The following ZSWIM6 variants were observed in gnomAD, a reference collection of about 807,000 sequenced individuals.
ZSWIM6 encodes zinc finger SWIM domain-containing protein 6.
Under a neutral mutation model 113.2 loss-of-function variants are expected in ZSWIM6, and 9 were observed. The ratio of observed to expected loss-of-function variants is 0.08; its 90% CI spans 0.05 to 0.14. The LOEUF (loss-of-function observed/expected upper bound fraction) is 0.14, where lower values mean the gene tolerates loss of function less well. ZSWIM6 is among the 10% of genes least tolerant of loss of function. ZSWIM6 has a pLI of 1.00. For synonymous variants in ZSWIM6, 611 were observed against 606.5 expected (o/e 1.01, Z -0.11); for missense variants, 1,162 against 1,552.2 (o/e 0.75, Z 4.22).
At chr5:61,461,991 C>T (rs933028487) in intron 1 of ZSWIM6, among the ~76,000 whole-genome samples, 6 of 152,090 alleles carry the variant, frequency 3.9e-5, no homozygotes, top group African/African-American at 7.2e-5. Context: ...GTTCTTAAAG[C>T]GTACAAATTG....
intron 1 of ZSWIM6, among the ~76,000 whole-genome samples, chr5:61,334,854 A>C (rs1049205275): frequency 2.0e-5 from 3 of 148,976 alleles, no homozygotes; most frequent in African/African-American, 7.4e-5. Context: ...AACAAACTAG[A>C]GTCTGCGAAT....
At chr5:61,528,134 T>C (rs1749334740) in intron 7 of ZSWIM6, among the ~76,000 whole-genome samples, 1 of 152,172 alleles carries the variant, frequency 6.6e-6, no homozygotes, top group South Asian at 2.1e-4. Context: ...ATTTTAAAAA[T>C]AGGCTTTTCC....
intron 1 of ZSWIM6, among the ~76,000 whole-genome samples, chr5:61,356,379 G>T (rs1299802749): frequency 1.3e-5 from 2 of 151,996 alleles, no homozygotes; most frequent in Non-Finnish European, 2.9e-5. Flanking sequence ...GACTTCATTG[G>T]CTGAGTTATT....
chr5:61,451,613 C>T (rs973743348), intron 1 of ZSWIM6, among the ~76,000 whole-genome samples: 1 of 152,110 alleles, frequency 6.6e-6, no homozygotes, highest in African/African-American at 2.4e-5. Flanking sequence ...TACTTTACCC[C>T]AGAATGGCAA....
At chr5:61,396,756 A>G in intron 1 of ZSWIM6, among the ~76,000 whole-genome samples, 1 of 152,192 alleles carries the variant, frequency 6.6e-6, no homozygotes, top group Non-Finnish European at 1.5e-5. Flanking sequence ...ACATTTTAAA[A>G]TTAAGTTTTT....
At chr5:61,333,847 G>C (rs1256086040) in intron 1 of ZSWIM6, among the ~76,000 whole-genome samples, 1 of 151,914 alleles carries the variant, frequency 6.6e-6, no homozygotes, top group Non-Finnish European at 1.5e-5. Flanking sequence ...TGGTCAGGTC[G>C]TGGTGCCCCG....
intron 1 of ZSWIM6, among the ~76,000 whole-genome samples, chr5:61,470,211 A>G (rs1188597526): frequency 3.9e-5 from 6 of 152,230 alleles, no homozygotes; most frequent in Admixed American, 1.3e-4. Context: ...TGGTTGGTGA[A>G]GAGAGATGTG....
At chr5:61,428,552 T>TC (rs966318589) in intron 1 of ZSWIM6, among the ~76,000 whole-genome samples, 28 of 151,850 alleles carry the variant, frequency 1.8e-4, no homozygotes, top group African/African-American at 6.5e-4. Flanking sequence ...TTTTTTTTTT[T>TC]TATAGACAGG....
chr5:61,494,202 G>T, intron 3 of ZSWIM6, 58 bp from the exon 4 acceptor site: 2 of 1,520,030 alleles, frequency 1.3e-6, no homozygotes, highest in East Asian at 2.5e-5. Flanking sequence ...TGTTGCTGTG[G>T]GGTTTTGTTG....
At chr5:61,489,284 C>G (rs1159731898) in intron 2 of ZSWIM6, among the ~76,000 whole-genome samples, 1 of 152,000 alleles carries the variant, frequency 6.6e-6, no homozygotes, top group Non-Finnish European at 1.5e-5. Context: ...CCCTAGCAAT[C>G]CAAGGCCCAG....
intron 1 of ZSWIM6, among the ~76,000 whole-genome samples, chr5:61,424,810 C>T (rs902339032): frequency 6.6e-6 from 1 of 151,084 alleles, no homozygotes; most frequent in Non-Finnish European, 1.5e-5. Context: ...TCACTGTAAC[C>T]TATGCCTGCT....
At chr5:61,482,029 G>A (rs559954387) in intron 2 of ZSWIM6, among the ~76,000 whole-genome samples, 11 of 152,202 alleles carry the variant, frequency 7.2e-5, no homozygotes, top group African/African-American at 2.2e-4. Flanking sequence ...CCTGCCCAAC[G>A]GTGGGAATAT....
At chr5:61,468,974 A>G (rs940414606) in intron 1 of ZSWIM6, among the ~76,000 whole-genome samples, 1 of 152,208 alleles carries the variant, frequency 6.6e-6, no homozygotes, top group African/African-American at 2.4e-5. Context: ...CTACTTTAGC[A>G]TGCTCACCTA....
chr5:61,423,421 CA>C (rs57590872), intron 1 of ZSWIM6, among the ~76,000 whole-genome samples: 8 of 137,770 alleles, frequency 5.8e-5, no homozygotes, highest in East Asian at 4.3e-4. Context: ...AAAAAAAACA[CA>C]AAAAAAAAAC....
chr5:61,420,323 A>G (rs1746329855), intron 1 of ZSWIM6, among the ~76,000 whole-genome samples: 1 of 152,266 alleles, frequency 6.6e-6, no homozygotes, highest in Non-Finnish European at 1.5e-5. Context: ...ACTAATGTCC[A>G]GCTTTTTACT....
intron 1 of ZSWIM6, among the ~76,000 whole-genome samples, chr5:61,356,775 T>G (rs894951855): frequency 2.1e-5 from 3 of 140,664 alleles, no homozygotes; most frequent in African/African-American, 7.8e-5. Flanking sequence ...GTATAATATA[T>G]ATATAAATAT....
At chr5:61,361,894 G>A (rs1205997126) in intron 1 of ZSWIM6, among the ~76,000 whole-genome samples, 3 of 152,202 alleles carry the variant, frequency 2.0e-5, no homozygotes, top group Non-Finnish European at 4.4e-5. Context: ...AAGATTCACT[G>A]TGGTGCAGTT....
At chr5:61,471,534 T>A (rs1174744051) in intron 1 of ZSWIM6, among the ~76,000 whole-genome samples, 1 of 152,170 alleles carries the variant, frequency 6.6e-6, no homozygotes, top group Non-Finnish European at 1.5e-5. Context: ...GAGTGCCTCA[T>A]GTGTGGACCA....
chr5:61,487,975 A>G (rs1372938314), intron 2 of ZSWIM6, among the ~76,000 whole-genome samples: 1 of 151,942 alleles, frequency 6.6e-6, no homozygotes, highest in African/African-American at 2.4e-5. Context: ...AATGCTTTCA[A>G]CTTTTCCCCA....
Sources: allele counts gnomAD v4.1 joint callset (sites outside exome capture counted in the v4.1 genomes callset), GRCh38; gene constraint gnomAD v4.1.1; transcripts MANE v1.5; gene names NCBI Gene and HGNC (gene_info 2026-07-23, HGNC 2026-07-21).